The following DLGAP1 variants were observed in gnomAD, a reference collection of about 807,000 sequenced individuals.
The protein encoded by DLGAP1 is disks large-associated protein 1.
In DLGAP1, 11 loss-of-function variants were observed where a neutral mutation model predicts 90.8. That is an observed-to-expected ratio of 0.12 (90% CI 0.08 to 0.20). The LOEUF (loss-of-function observed/expected upper bound fraction) is 0.20. DLGAP1 is among the 10% of genes least tolerant of loss of function. The pLI, the probability that DLGAP1 is intolerant of heterozygous loss-of-function variation, is 1.00. For missense variants in DLGAP1, 1,050 were observed against 1,333.8 expected, an observed-to-expected ratio of 0.79 and a Z score of 3.31; for synonymous variants, 558 against 540.7, an observed-to-expected ratio of 1.03 and a Z score of -0.44.
chr18:3,545,231 G>A (rs955402663), intron 9 of DLGAP1, among the ~76,000 whole-genome samples: 2 of 151,750 alleles, frequency 1.3e-5, no homozygotes, highest in Non-Finnish European at 2.9e-5. Flanking sequence ...CCGAGATCAC[G>A]CCACTGCACT....
In DLGAP1 at chr18:3,978,578, C is replaced by G. The variant is rs181455624; in HGVS notation, c.-73+26538G>C. ...AGTTCCGGTGACCAGGTGCCCAACA[C>G]GACCAAGTTCGTTTACTCTGGCCTT... On this transcript the variant is annotated intron_variant, in intron 3 of 12. Coordinates refer to ENST00000315677, the MANE Select transcript of DLGAP1 (RefSeq NM_004746.4). The G allele has an allele frequency of 2.2e-5, 5 of 229,750 alleles. No individual in the cohort carries two copies. In the South Asian group the frequency reaches 2.9e-4, roughly 13 times the overall value. The allele number at this position is 229,750 out of a possible 1,614,324, so 14.2% of individuals were successfully genotyped here.
At chr18:4,425,472 C>T (rs896640826) in intron 1 of DLGAP1, among the ~76,000 whole-genome samples, 4 of 152,164 alleles carry the variant, frequency 2.6e-5, no homozygotes, top group African/African-American at 9.7e-5. Flanking sequence ...GAACACAAAC[C>T]TGCAAATGGA....
chr18:3,552,045 C>T (rs959987096), intron 9 of DLGAP1, among the ~76,000 whole-genome samples: 3 of 151,332 alleles, frequency 2.0e-5, no homozygotes, highest in African/African-American at 7.3e-5. Context: ...TGGGCCCAAG[C>T]AGTCCTCCTG....
intron 5 of DLGAP1, among the ~76,000 whole-genome samples, chr18:3,788,639 C>A (rs1281554209): frequency 6.6e-6 from 1 of 152,194 alleles, no homozygotes; most frequent in Non-Finnish European, 1.5e-5. Flanking sequence ...GCAGGCTCCT[C>A]TGGCACTCAG....
intron 1 of DLGAP1, among the ~76,000 whole-genome samples, chr18:4,305,603 T>C (rs2080232677): frequency 6.6e-6 from 1 of 151,806 alleles, no homozygotes; most frequent in African/African-American, 2.4e-5. Context: ...AGACACGACC[T>C]TTACATGCAT....
At chr18:3,822,096 T>C in intron 4 of DLGAP1, 1 of 659,312 alleles carries the variant, frequency 1.5e-6, no homozygotes, top group Non-Finnish European at 1.9e-6. Context: ...GGCATGATTG[T>C]TGCTTCCCAA....
chr18:3,698,046 T>G (rs1423205801), intron 7 of DLGAP1, among the ~76,000 whole-genome samples: 1 of 152,200 alleles, frequency 6.6e-6, no homozygotes, highest in East Asian at 1.9e-4. Context: ...TGGTAAATAT[T>G]CCTCCATCCC....
chr18:3,568,466 TG>T (rs2054560423), intron 8 of DLGAP1, among the ~76,000 whole-genome samples: 1 of 152,084 alleles, frequency 6.6e-6, no homozygotes, highest in South Asian at 2.1e-4. Context: ...AACCCAAATT[TG>T]AAGAAAATTT....
At chr18:4,253,636 C>T (rs753459487) in intron 1 of DLGAP1, among the ~76,000 whole-genome samples, 2 of 152,142 alleles carry the variant, frequency 1.3e-5, no homozygotes, top group Non-Finnish European at 2.9e-5. Flanking sequence ...TCTTGAACTC[C>T]TGGCCTCAAG....
intron 1 of DLGAP1, among the ~76,000 whole-genome samples, chr18:4,376,046 G>A (rs991917409): frequency 6.6e-6 from 1 of 152,070 alleles, no homozygotes; most frequent in Non-Finnish European, 1.5e-5. Flanking sequence ...GATTATACAA[G>A]GAGAAGAACC....
chr18:3,990,653 A>ATAATAC (rs2073948335), intron 3 of DLGAP1, among the ~76,000 whole-genome samples: 1 of 148,350 alleles, frequency 6.7e-6, no homozygotes, highest in African/African-American at 2.5e-5. Context: ...AATAATAATA[A>ATAATAC]TAATAATAAT....
At chr18:3,956,950 C>A (rs1421743747) in intron 3 of DLGAP1, among the ~76,000 whole-genome samples, 1 of 152,202 alleles carries the variant, frequency 6.6e-6, no homozygotes, top group African/African-American at 2.4e-5. Context: ...CCACACTCTG[C>A]CAACATTTCT....
intron 7 of DLGAP1, chr18:3,597,480 G>C: frequency 2.8e-6 from 1 of 352,574 alleles, no homozygotes; most frequent in South Asian, 2.2e-5. Context: ...TGTGCAGAGT[G>C]AGTGGCCTGT....
chr18:3,677,165 C>T (rs1016447350), intron 7 of DLGAP1, among the ~76,000 whole-genome samples: 26 of 152,208 alleles, frequency 1.7e-4, no homozygotes, highest in Admixed American at 1.7e-3. Context: ...CTCTTTATCT[C>T]CAGTTCCTCA....
At chr18:3,799,904 A>T (rs1414096197) in intron 5 of DLGAP1, among the ~76,000 whole-genome samples, 1 of 152,220 alleles carries the variant, frequency 6.6e-6, no homozygotes, top group African/African-American at 2.4e-5. Context: ...TGTTATCTGA[A>T]TAGTGAAGTC....
At chr18:3,882,439 A>ACC (rs2071198650) in intron 3 of DLGAP1, among the ~76,000 whole-genome samples, 1 of 149,652 alleles carries the variant, frequency 6.7e-6, no homozygotes, top group Admixed American at 6.7e-5. Flanking sequence ...TGGGGAGAGG[A>ACC]TTGCTTGAGC....
intron 5 of DLGAP1, among the ~76,000 whole-genome samples, chr18:3,797,626 A>G (rs1388764754): frequency 6.6e-6 from 1 of 152,236 alleles, no homozygotes; most frequent in Non-Finnish European, 1.5e-5. Flanking sequence ...TGAGCATGAA[A>G]ACAGAAGCTT....
intron 2 of DLGAP1, among the ~76,000 whole-genome samples, chr18:4,006,532 C>T (rs964074281): frequency 6.6e-6 from 1 of 152,150 alleles, no homozygotes; most frequent in Non-Finnish European, 1.5e-5. Context: ...TGAATTTTTG[C>T]AGTCACAGTT....
At chr18:4,402,138 C>T (rs4798227) in intron 1 of DLGAP1, among the ~76,000 whole-genome samples, 14,290 of 152,122 alleles carry the variant, frequency 0.094, 1,189 homozygotes, top group African/African-American at 0.23. Flanking sequence ...AATATATCAT[C>T]CCTTTTGGCG....
Sources: allele counts gnomAD v4.1 joint callset (sites outside exome capture counted in the v4.1 genomes callset), GRCh38; gene constraint gnomAD v4.1.1; transcripts MANE v1.5; gene names NCBI Gene and HGNC (gene_info 2026-07-23, HGNC 2026-07-21).